The following FAM117A variants were observed in gnomAD, a reference collection of about 807,000 sequenced individuals.
FAM117A encodes family with sequence similarity 117 member A.
A neutral mutation model predicts 44.1 loss-of-function variants in FAM117A; 21 were observed. That is an observed-to-expected ratio of 0.48 (90% CI 0.34 to 0.69). The LOEUF is 0.69. Ranked by LOEUF, FAM117A falls within the 30% of genes least tolerant of loss-of-function variation. The pLI, the probability that FAM117A is intolerant of heterozygous loss-of-function variation, is 0.01. For synonymous variants in FAM117A, 220 were observed against 238.3 expected (o/e 0.92, Z 0.71); for missense variants, 498 against 589.9 (o/e 0.84, Z 1.61).
At chr17:49,774,075 T>G (rs1170865721) in intron 1 of FAM117A, among the ~76,000 whole-genome samples, 1 of 152,138 alleles carries the variant, frequency 6.6e-6, no homozygotes, top group Non-Finnish European at 1.5e-5. Context: ...TTATAATTTC[T>G]CCAAGTCATT....
chr17:49,775,201 T>G (rs117438595), intron 1 of FAM117A, among the ~76,000 whole-genome samples: 1,530 of 152,304 alleles, frequency 0.01, 24 homozygotes, highest in East Asian at 0.08. Flanking sequence ...TTGGCCAGAC[T>G]GATCTCAAAC....
At chr17:49,751,151 G>A (rs572631306) in intron 1 of FAM117A, among the ~76,000 whole-genome samples, 1 of 151,822 alleles carries the variant, frequency 6.6e-6, no homozygotes, top group Non-Finnish European at 1.5e-5. Context: ...GTGGTGGTGT[G>A]TGCCTGTAAT....
intron 1 of FAM117A, among the ~76,000 whole-genome samples, chr17:49,748,651 G>T (rs1030624714): frequency 1.8e-4 from 28 of 152,044 alleles, no homozygotes; most frequent in African/African-American, 6.8e-4. Flanking sequence ...ACTTAACCAT[G>T]GTCAGGATTA....
intron 1 of FAM117A, among the ~76,000 whole-genome samples, chr17:49,773,823 G>A (rs1246330338): frequency 3.3e-5 from 5 of 151,596 alleles, no homozygotes; most frequent in African/African-American, 7.3e-5. Flanking sequence ...GCACGATCTC[G>A]GCTCACTGTA....
intron 1 of FAM117A, among the ~76,000 whole-genome samples, chr17:49,742,477 A>G (rs1373744459): frequency 3.3e-5 from 5 of 152,240 alleles, no homozygotes; most frequent in Non-Finnish European, 7.3e-5. Context: ...TGCAGTTAGA[A>G]GAAAAGGAAG....
At chr17:49,716,116 A>C in intron 7 of FAM117A, 49 bp downstream of exon 7, 2 of 1,585,350 alleles carry the variant, frequency 1.3e-6, no homozygotes, top group Non-Finnish European at 8.6e-7. Context: ...AGGTGGGAGA[A>C]TGTAGGCCCA....
chr17:49,752,464 C>T (rs750395417), intron 1 of FAM117A, among the ~76,000 whole-genome samples: 1 of 152,232 alleles, frequency 6.6e-6, no homozygotes, highest in Non-Finnish European at 1.5e-5. Flanking sequence ...ACCCCCACCC[C>T]TGCCATAGGA....
intron 1 of FAM117A, among the ~76,000 whole-genome samples, chr17:49,758,662 TAAATAAA>T (rs1567835895): frequency 7.5e-5 from 11 of 147,090 alleles, no homozygotes; most frequent in African/African-American, 2.7e-4. Flanking sequence ...AATAAATAAA[TAAATAAA>T]TAAATAAATA....
intron 7 of FAM117A, among the ~76,000 whole-genome samples, chr17:49,713,420 C>A (rs1438729390): frequency 1.3e-5 from 2 of 152,190 alleles, no homozygotes; most frequent in Admixed American, 6.5e-5. Flanking sequence ...ATGGTTCTCA[C>A]CAATCACCTT....
At chr17:49,760,360 G>A (rs943852316) in intron 1 of FAM117A, among the ~76,000 whole-genome samples, 1 of 152,178 alleles carries the variant, frequency 6.6e-6, no homozygotes, top group African/African-American at 2.4e-5. Context: ...TCTGTAAAGT[G>A]ACATATAGTA....
Position 49,713,062 on chromosome 17 carries a change from T to A in FAM117A, c.1062-1507A>T, listed in dbSNP as rs149556321. 2.4e-3 allele frequency among the ~76,000 whole-genome samples: 369 copies of A among 152,162 alleles called. 3 individuals are homozygous for A. Among genetic ancestry groups the A allele is most frequent in the South Asian group, 0.017 (82 of 4,814 alleles). On this transcript the variant is annotated intron_variant, in intron 7 of 7. Transcript: ENST00000240364. ...GGCTAATTTTATTATTATTATTATT[T>A]TTTTAGTAGAGATGGGAGTCTCACT...
intron 1 of FAM117A, among the ~76,000 whole-genome samples, chr17:49,781,556 A>G (rs752714738): frequency 3.3e-5 from 5 of 152,378 alleles, no homozygotes; most frequent in African/African-American, 1.2e-4. Flanking sequence ...AAGAGCTTTA[A>G]TAACTCCACA....
intron 1 of FAM117A, among the ~76,000 whole-genome samples, chr17:49,752,545 T>G (rs1176536943): frequency 6.6e-6 from 1 of 152,172 alleles, no homozygotes; most frequent in Non-Finnish European, 1.5e-5. Flanking sequence ...ATCCTTTTCC[T>G]GTAAGATCCA....
chr17:49,758,630 AAAAAAATAAAAT>A (rs1443386069), intron 1 of FAM117A, among the ~76,000 whole-genome samples: 4 of 120,734 alleles, frequency 3.3e-5, no homozygotes, highest in African/African-American at 1.3e-4. Flanking sequence ...TCAAAAAAAA[AAAAAAATAAAAT>A]AAATAAATAA....
chr17:49,736,843 T>C (rs1190599447), intron 1 of FAM117A, among the ~76,000 whole-genome samples: 11 of 152,222 alleles, frequency 7.2e-5, no homozygotes, highest in Non-Finnish European at 7.3e-5. Context: ...TTTGTACTCT[T>C]CTAGTAATGA....
chr17:49,752,324 G>C (rs1008509372), intron 1 of FAM117A, among the ~76,000 whole-genome samples: 1 of 152,128 alleles, frequency 6.6e-6, no homozygotes, highest in Non-Finnish European at 1.5e-5. Context: ...CTAAAGCTAG[G>C]AGAGGGAGAC....
intron 2 of FAM117A, among the ~76,000 whole-genome samples, chr17:49,726,557 T>C (rs1020342219): frequency 6.6e-6 from 1 of 152,218 alleles, no homozygotes; most frequent in Non-Finnish European, 1.5e-5. Flanking sequence ...GTGTGGACTA[T>C]AGCCCCTCCT....
At chr17:49,714,664 T>TG (rs2073493945) in intron 7 of FAM117A, among the ~76,000 whole-genome samples, 2 of 149,870 alleles carry the variant, frequency 1.3e-5, no homozygotes, top group Non-Finnish European at 3.0e-5. Context: ...TTTTTTTTTT[T>TG]GAGATGGAGA....
intron 1 of FAM117A, among the ~76,000 whole-genome samples, chr17:49,739,447 C>G (rs1046713118): frequency 2.0e-5 from 3 of 152,180 alleles, no homozygotes; most frequent in Non-Finnish European, 4.4e-5. Flanking sequence ...TTCAGGTCAA[C>G]ACTTAAGTTC....
Sources: allele counts gnomAD v4.1 joint callset (sites outside exome capture counted in the v4.1 genomes callset), GRCh38; gene constraint gnomAD v4.1.1; transcripts MANE v1.5; gene names NCBI Gene and HGNC (gene_info 2026-07-23, HGNC 2026-07-21).